OR4C16: variants seen among roughly 807,000 people sequenced by gnomAD.
OR4C16 encodes the protein olfactory receptor family 4 subfamily C member 16, also known as olfactory receptor 4C16.
In OR4C16, 24 loss-of-function variants were observed where a neutral mutation model predicts 14.4. The observed-to-expected ratio is 1.66, with a 90% CI of 1.21 to 2.34. OR4C16 has a LOEUF of 2.34. Among genes scored for constraint, OR4C16 ranks in the 30% most tolerant of loss-of-function variants. The probability of loss-of-function intolerance (pLI) is 0.00; values close to 1 mark genes in which losing one functional copy is unlikely to be tolerated. For synonymous variants in OR4C16, 233 were observed against 133.5 expected (o/e 1.75, Z -5.14); for missense variants, 674 against 364.2 (o/e 1.85, Z -6.92).
Position 55,572,243 on chromosome 11 carries a change from G to C in OR4C16, c.116G>C (p.Gly39Ala). Residue 39 changes from glycine to alanine, a missense_variant, in exon 1 of 1, where the codon GGT becomes GCT. Coordinates refer to ENST00000623907, the MANE Select transcript of OR4C16 (RefSeq NM_001004701.2). Reference sequence around the variant, plus strand: ...CGTCTCTACTTGGGAACACTGTTGGGTAATTTGCTAATCATTATTAGTGTC... The same window carrying C: ...CGTCTCTACTTGGGAACACTGTTGGCTAATTTGCTAATCATTATTAGTGTC... ...FLRLYLGTLL[G>A]NLLIIISVKT... is the part of the protein sequence containing the mutation. 6.2e-7 allele frequency: 1 copy of C among 1,611,616 alleles called. No individual in the cohort carries two copies. The highest frequency in any genetic ancestry group is 8.5e-7 in the Non-Finnish European group (1 of 1,178,036).
At position 55,572,270 on chromosome 11, in the gene OR4C16, A is replaced by C. The variant is rs140231925; in HGVS notation, c.143A>C (p.Lys48Thr). The change falls in exon 1 of 1, where the codon AAG becomes ACG. Residue 48 changes from lysine to threonine, a missense_variant. Lys to Thr is a moderately conservative substitution (Grantham distance 78). Transcript: ENST00000623907. ...AATTTGCTAATCATTATTAGTGTCA[A>C]GACCAGCCAGGCACTTAAGAACCCA... ...LGNLLIIISV[K>T]TSQALKNPMF... 1,025 of 1,613,090 alleles carry C rather than the reference A, an allele frequency of 6.4e-4. 3 individuals carry two copies. Among genetic ancestry groups the C allele is most frequent in the Non-Finnish European group, 6.5e-4 (772 of 1,179,214 alleles).
rs749912465 is a variant in OR4C16, at chr11:55,572,576, C to A, written c.449C>A (p.Ser150Tyr). The A allele has an allele frequency of 3.1e-6, 5 of 1,614,022 alleles. No individual in the cohort carries two copies. Residue 150 changes from serine to tyrosine, a missense_variant, in exon 1 of 1, where the codon TCC becomes TAC. By Grantham distance (144) the Ser-to-Tyr change is moderately radical. Coordinates refer to ENST00000623907, the MANE Select transcript of OR4C16 (RefSeq NM_001004701.2). ...GVLMAVAWVGSCVHSLVQIFL... is the reference protein window; with the variant it reads ...GVLMAVAWVGYCVHSLVQIFL... ...TTGATGGCTGTGGCCTGGGTGGGAT[C>A]CTGTGTGCATTCTTTAGTTCAGATT...
Position 55,572,287 on chromosome 11 carries a change from A to G in OR4C16, c.160A>G (p.Lys54Glu), listed in dbSNP as rs753463908. ...TAGTGTCAAGACCAGCCAGGCACTTAAGAACCCAATGTTCTTCTTCCTTTT... is the reference window on the plus strand; with the variant it reads ...TAGTGTCAAGACCAGCCAGGCACTTGAGAACCCAATGTTCTTCTTCCTTTT... ...IISVKTSQAL[K>E]NPMFFFLFYL... The change falls in exon 1 of 1, where the codon AAG becomes GAG. Residue 54 changes from lysine to glutamate, a missense_variant. By Grantham distance (56) the Lys-to-Glu change is moderately conservative (BLOSUM62 1). Coordinates refer to ENST00000623907, the MANE Select transcript of OR4C16 (RefSeq NM_001004701.2). 1.7e-5 allele frequency: 27 copies of G among 1,613,116 alleles called. No individual in the cohort carries two copies. In the East Asian group the frequency reaches 5.3e-4, roughly 32 times the overall value.
In OR4C16 at chr11:55,572,397, C is replaced by T; in HGVS notation, c.270C>T (p.Ile90=). Residue 90 remains isoleucine, a synonymous_variant, in exon 1 of 1, where the codon ATC becomes ATT. Transcript: ENST00000623907. ...ATGCCCTTTTGAAGAAGACAACTATCTCCTTCAGCGAGTGCATGATCCAAG... is the reference window on the plus strand; with the variant it reads ...ATGCCCTTTTGAAGAAGACAACTATTTCCTTCAGCGAGTGCATGATCCAAG... The part of the protein sequence containing the change: ...IVDALLKKTT[I]SFSECMIQVF... The T allele has an allele frequency of 6.2e-7, 1 of 1,614,054 alleles. No homozygotes were observed.
At position 55,572,883 on chromosome 11, in the gene OR4C16, C is replaced by A. The variant is rs772005214; in HGVS notation, c.756C>A (p.Cys252Ter). 11 of 1,613,790 alleles carry A rather than the reference C, an allele frequency of 6.8e-6. No homozygotes were observed. Among genetic ancestry groups the A allele is most frequent in the Non-Finnish European group, 8.5e-6 (10 of 1,179,786 alleles). Residue 252 changes from cysteine to a stop codon, truncating the protein, a stop_gained, in exon 1 of 1, where the codon TGC (cysteine) becomes TGA (stop). Transcript: ENST00000623907. LOFTEE classifies it high-confidence loss of function. ...IIVVILFFGP[C>*]IFMYTCLATV... ...TGGTCATCTTGTTCTTTGGACCTTG[C>A]ATATTTATGTACACATGCCTTGCAA...
In OR4C16 at chr11:55,572,354, C is replaced by A; in HGVS notation, c.227C>A (p.Thr76Asn). ...LSDTCLSTSI[T>N]PRMIVDALLK... Reference sequence around the variant, plus strand: ...GATACTTGCCTCTCTACTTCCATAACCCCTAGAATGATTGTGGATGCCCTT... The same window carrying A: ...GATACTTGCCTCTCTACTTCCATAAACCCTAGAATGATTGTGGATGCCCTT... The change falls in exon 1 of 1, where the codon ACC becomes AAC. Residue 76 changes from threonine to asparagine, a missense_variant. Transcript: ENST00000623907. The A allele has an allele frequency of 6.2e-7, 1 of 1,612,602 alleles. No individual in the cohort carries two copies. Among genetic ancestry groups the A allele is most frequent in the East Asian group, 2.2e-5 (1 of 44,864 alleles).
rs1228134363 is a variant in OR4C16 at position 55,572,437 on chromosome 11, G to GTCTT, written c.312_315dup (p.Gly106LeufsTer15). On this transcript the variant is annotated frameshift_variant, in exon 1 of 1. Coordinates refer to ENST00000623907, the MANE Select transcript of OR4C16 (RefSeq NM_001004701.2). LOFTEE classifies it high-confidence loss of function. ...CATGATCCAAGTCTTTTCATCCCAT[G>GTCTT]TCTTTGGCTGCCTGGAGATCTTCAT... 6.8e-6 allele frequency: 11 copies of GTCTT among 1,613,904 alleles called. No individual in the cohort carries two copies. Among genetic ancestry groups the GTCTT allele is most frequent in the Non-Finnish European group, 9.3e-6 (11 of 1,180,004 alleles).
At position 55,572,989 on chromosome 11, in the gene OR4C16, A is replaced by G. The variant is rs750625176; in HGVS notation, c.862A>G (p.Lys288Glu). The G allele has an allele frequency of 2.5e-6, 4 of 1,606,150 alleles. No homozygotes were observed. Among genetic ancestry groups the G allele is most frequent in the Non-Finnish European group, 3.4e-6 (4 of 1,174,668 alleles). Residue 288 changes from lysine to glutamate, a missense_variant, in exon 1 of 1, where the codon AAG (lysine) becomes GAG (glutamate). By Grantham distance (56) the Lys-to-Glu change is moderately conservative. Transcript: ENST00000623907. ...TCTCAACCCTGTGATTTACACGCTG[A>G]AGAATACAGAAGTGAAAAGTGCCAT... ...SFLNPVIYTL[K>E]NTEVKSAMRK... is the part of the protein sequence containing the mutation.
rs770119710 is a variant in OR4C16 at position 55,572,802 on chromosome 11, C to A, written c.675C>A (p.Asn225Lys). 5.0e-6 allele frequency: 8 copies of A among 1,613,976 alleles called. No homozygotes were observed. Among genetic ancestry groups the A allele is most frequent in the South Asian group, 1.1e-5 (1 of 91,090 alleles). The stretch of plus-strand genomic sequence containing the variant: ...TCATCTTCTTGCATTCTCTGAGAAA[C>A]CACAGTGCTGAAGTGATAAAGAAAG... ...SYVIFLHSLR[N>K]HSAEVIKKAL... The change falls in exon 1 of 1, where the codon AAC becomes AAA. Residue 225 changes from asparagine to lysine, a missense_variant. Transcript: ENST00000623907.
chr11:55,572,970 C>T lies in OR4C16; in HGVS notation c.843C>T (p.Asn281=), dbSNP rs142796452. Residue 281 remains asparagine, a synonymous_variant, in exon 1 of 1, where the codon AAC becomes AAT. Transcript: ENST00000623907. ...ATACAGTTGGAACATCTTTTCTCAA[C>T]CCTGTGATTTACACGCTGAAGAATA... The part of the protein sequence containing the change: ...VFYTVGTSFL[N]PVIYTLKNTE... 281 of 1,613,100 alleles carry T rather than the reference C, an allele frequency of 1.7e-4. No homozygotes were observed. The highest frequency in any genetic ancestry group is 5.3e-4 in the Admixed American group (32 of 59,926).
In OR4C16 at chr11:55,572,337, C is replaced by T. The variant is rs775424579; in HGVS notation, c.210C>T (p.Cys70=). 5 of 1,612,976 alleles carry T rather than the reference C, an allele frequency of 3.1e-6. No individual in the cohort carries two copies. Among genetic ancestry groups the T allele is most frequent in the South Asian group, 2.2e-5 (2 of 91,048 alleles). The change falls in exon 1 of 1, where the codon TGC becomes TGT. Residue 70 remains cysteine (C), a synonymous_variant. Coordinates refer to ENST00000623907, the MANE Select transcript of OR4C16 (RefSeq NM_001004701.2). ...FLFYLSLSDT[C]LSTSITPRMI... ...TCTACTTATCCTTATCTGATACTTG[C>T]CTCTCTACTTCCATAACCCCTAGAA...
At position 55,572,470 on chromosome 11, in the gene OR4C16, C is replaced by T. The variant is rs754825573; in HGVS notation, c.343C>T (p.Leu115Phe). 1.2e-5 allele frequency: 20 copies of T among 1,613,970 alleles called. No individual in the cohort carries two copies. In the Admixed American group the frequency reaches 3.2e-4, roughly 26 times the overall value. ...FGCLEIFILI[L>F]TAVDRYVDIC... ...CTGCCTGGAGATCTTCATCCTCATC[C>T]TCACGGCTGTTGACCGCTATGTGGA... The change falls in exon 1 of 1, where the codon CTC becomes TTC. Residue 115 changes from leucine to phenylalanine, a missense_variant. Coordinates refer to ENST00000623907, the MANE Select transcript of OR4C16 (RefSeq NM_001004701.2).
At position 55,572,682 on chromosome 11, in the gene OR4C16, A is replaced by C. The variant is rs779322122; in HGVS notation, c.555A>C (p.Gln185His). The change falls in exon 1 of 1, where the codon CAA becomes CAC. Residue 185 changes from glutamine to histidine, a missense_variant. Gln to His is a conservative substitution (Grantham distance 24, BLOSUM62 0). Coordinates refer to ENST00000623907, the MANE Select transcript of OR4C16 (RefSeq NM_001004701.2). ...GTGACTTGCAGCCCTTGTTGAAACA[A>C]GCCTGTTCAGAAACCTATGTGGTTA... is the stretch of plus-strand genomic sequence containing the variant. ...CFCDLQPLLKQACSETYVVNL... is the reference protein window; with the variant it reads ...CFCDLQPLLKHACSETYVVNL... 5.0e-6 allele frequency: 8 copies of C among 1,613,982 alleles called. No individual in the cohort carries two copies. Among genetic ancestry groups the C allele is most frequent in the Non-Finnish European group, 5.1e-6 (6 of 1,180,000 alleles).
rs1857389824 is a variant in OR4C16, at chr11:55,572,262, T to G, written c.135T>G (p.Ile45Met). ...TGTTGGGTAATTTGCTAATCATTATTAGTGTCAAGACCAGCCAGGCACTTA... is the reference window on the plus strand; with the variant it reads ...TGTTGGGTAATTTGCTAATCATTATGAGTGTCAAGACCAGCCAGGCACTTA... ...GTLLGNLLII[I>M]SVKTSQALKN... The change falls in exon 1 of 1, where the codon ATT becomes ATG. Residue 45 changes from isoleucine to methionine, a missense_variant. Ile to Met is a conservative substitution (Grantham distance 10, BLOSUM62 1). Transcript: ENST00000623907. 1.2e-6 allele frequency: 2 copies of G among 1,612,610 alleles called. No homozygotes were observed. The highest frequency in any genetic ancestry group is 1.7e-6 in the Non-Finnish European group (2 of 1,178,670).
Position 55,572,956 on chromosome 11 carries a change from A to G in OR4C16, c.829A>G (p.Thr277Ala). 6.2e-7 allele frequency: 1 copy of G among 1,613,460 alleles called. No homozygotes were observed. The highest frequency in any genetic ancestry group is 2.2e-5 in the East Asian group (1 of 44,846). The change falls in exon 1 of 1, where the codon ACA becomes GCA. Residue 277 changes from threonine to alanine, a missense_variant. Thr to Ala is a moderately conservative substitution (Grantham distance 58, BLOSUM62 0). Transcript: ENST00000623907. ...GATAGCTGTATTTTATACAGTTGGA[A>G]CATCTTTTCTCAACCCTGTGATTTA... ...KMIAVFYTVGTSFLNPVIYTL... is the reference protein window; with the variant it reads ...KMIAVFYTVGASFLNPVIYTL...
In OR4C16 at chr11:55,572,695, A is replaced by T; in HGVS notation, c.568A>T (p.Thr190Ser). The change falls in exon 1 of 1, where the codon ACC becomes TCC. Residue 190 changes from threonine (T) to serine (S), a missense_variant. Thr to Ser is a moderately conservative substitution (Grantham distance 58). Coordinates refer to ENST00000623907, the MANE Select transcript of OR4C16 (RefSeq NM_001004701.2). ...QPLLKQACSE[T>S]YVVNLLLVSN... ...CTTGTTGAAACAAGCCTGTTCAGAAACCTATGTGGTTAACCTACTCCTGGT... is the reference window on the plus strand; with the variant it reads ...CTTGTTGAAACAAGCCTGTTCAGAATCCTATGTGGTTAACCTACTCCTGGT... The T allele has an allele frequency of 1.2e-6, 2 of 1,613,656 alleles. No individual in the cohort carries two copies. Among genetic ancestry groups the T allele is most frequent in the Non-Finnish European group, 1.7e-6 (2 of 1,179,802 alleles).
rs759281536 is a variant in OR4C16 at position 55,573,039 on chromosome 11, G to C, written c.912G>C (p.Leu304Phe). 3 of 1,557,272 alleles carry C rather than the reference G, an allele frequency of 1.9e-6. No homozygotes were observed. The highest frequency in any genetic ancestry group is 1.9e-5 in the Admixed American group (1 of 51,940). The change falls in exon 1 of 1, where the codon TTG (leucine) becomes TTC (phenylalanine). Residue 304 changes from leucine to phenylalanine, a missense_variant. Coordinates refer to ENST00000623907, the MANE Select transcript of OR4C16 (RefSeq NM_001004701.2). ...TGAGGAAGCTTTGGAGCAAGAAATT[G>C]ATCACAGATGACAAAAGATAAATGA... The part of the protein sequence containing the change: ...SAMRKLWSKK[L>F]ITDDKR
Position 55,572,282 on chromosome 11 carries a change from C to A in OR4C16, c.155C>A (p.Ala52Glu), listed in dbSNP as rs1457942672. ...ATTATTAGTGTCAAGACCAGCCAGGCACTTAAGAACCCAATGTTCTTCTTC... is the reference window on the plus strand; with the variant it reads ...ATTATTAGTGTCAAGACCAGCCAGGAACTTAAGAACCCAATGTTCTTCTTC... The part of the protein sequence containing the change: ...LIIISVKTSQ[A>E]LKNPMFFFLF... The change falls in exon 1 of 1, where the codon GCA (alanine) becomes GAA (glutamate). Residue 52 changes from alanine (A) to glutamate (E), a missense_variant. By Grantham distance (107) the Ala-to-Glu change is moderately radical. Coordinates refer to ENST00000623907, the MANE Select transcript of OR4C16 (RefSeq NM_001004701.2). 17 of 1,612,908 alleles carry A rather than the reference C, an allele frequency of 1.1e-5. No individual in the cohort carries two copies. The highest frequency in any genetic ancestry group is 1.4e-5 in the Non-Finnish European group (16 of 1,179,324).
Position 55,572,188 on chromosome 11 carries a change from T to C in OR4C16, c.61T>C (p.Trp21Arg). The C allele has an allele frequency of 6.8e-6, 11 of 1,612,412 alleles. No individual in the cohort carries two copies. Among genetic ancestry groups the C allele is most frequent in the Non-Finnish European group, 9.3e-6 (11 of 1,178,604 alleles). ...ILLGLTQDPFWKKIVFVIFLR... is the reference protein window; with the variant it reads ...ILLGLTQDPFRKKIVFVIFLR... ...GCTTGGATTGACACAGGATCCTTTTTGGAAGAAAATAGTGTTTGTTATTTT... is the reference window on the plus strand; with the variant it reads ...GCTTGGATTGACACAGGATCCTTTTCGGAAGAAAATAGTGTTTGTTATTTT... Residue 21 changes from tryptophan to arginine, a missense_variant, in exon 1 of 1, where the codon TGG (tryptophan) becomes CGG (arginine). By Grantham distance (101) the Trp-to-Arg change is moderately radical. Transcript: ENST00000623907.
Sources: allele counts gnomAD v4.1 joint callset, GRCh38; gene constraint gnomAD v4.1.1; transcripts MANE v1.5; gene names NCBI Gene and HGNC (gene_info 2026-07-23, HGNC 2026-07-21).